Variants in JMY observed in about 807,000 individuals in gnomAD.
The protein encoded by JMY is junction-mediating and -regulatory protein.
JMY carries 46 observed loss-of-function variants against 103.3 expected under a neutral mutation model. The observed-to-expected ratio is 0.45, with a 90% CI of 0.35 to 0.57. The LOEUF (loss-of-function observed/expected upper bound fraction) is 0.57, where lower values mean the gene tolerates loss of function less well. Ranked by LOEUF, JMY falls within the 20% of genes least tolerant of loss-of-function variation. The pLI is 0.00. For synonymous variants in JMY, 526 were observed against 489.3 expected, an observed-to-expected ratio of 1.07 and a Z score of -0.99; for missense variants, 1,238 against 1,255.2, an observed-to-expected ratio of 0.99 and a Z score of 0.21.
rs35881465 is a variant in JMY, at chr5:79,317,063, A to ATT, written c.*3+762_*3+763dup. 4.1e-4 allele frequency among the ~76,000 whole-genome samples: 61 copies of ATT among 149,874 alleles called. 1 individual carries two copies. In the Middle Eastern group the frequency reaches 0.014, roughly 34 times the overall value. On this transcript the variant is annotated intron_variant, in intron 10 of 10. Coordinates refer to ENST00000396137, the MANE Select transcript of JMY (RefSeq NM_152405.5). ...TCTGTAAAAAGAAATCAATACGTCA[A>ATT]TTTTTTTTTTAATGCAAAGCCTTTT...
At chr5:79,277,831 T>C in intron 1 of JMY, 79 bp from the exon 2 acceptor site, 1 of 1,321,968 alleles carries the variant, frequency 7.6e-7, no homozygotes, top group Non-Finnish European at 1.0e-6. Flanking sequence ...GGTCCTGGCA[T>C]GATAGGGAGA....
chr5:79,326,020 C>A lies in JMY; in HGVS notation c.*4418C>A, dbSNP rs533215347. 13 of 152,222 alleles carry A rather than the reference C, an allele frequency of 8.5e-5. No individual in the cohort carries two copies. The highest frequency in any genetic ancestry group is 3.1e-4 in the African/African-American group (13 of 41,540). 9.4% of individuals were successfully genotyped at this position (152,222 alleles called of 1,614,324 possible). On this transcript the variant is annotated 3_prime_UTR_variant, in exon 11 of 11. Coordinates refer to ENST00000396137, the MANE Select transcript of JMY (RefSeq NM_152405.5). ...TTGTAGGATTTAATTGATTGAATTC[C>A]AAATTTATACTGTCTCTTCCCTTCT...
At chr5:79,285,262 T>C (rs1040670526) in intron 2 of JMY, among the ~76,000 whole-genome samples, 2 of 152,060 alleles carry the variant, frequency 1.3e-5, no homozygotes, top group African/African-American at 4.8e-5. Flanking sequence ...TTCTGTGAAA[T>C]AGAAAACTGC....
chr5:79,284,489 T>C, intron 2 of JMY: 1 of 1,588,064 alleles, frequency 6.3e-7, no homozygotes. Context: ...ATTGTTGCGT[T>C]TTTTAGTAAA....
rs1019524073 is a variant in JMY, at chr5:79,236,560, A to G, written c.-91A>G. On this transcript the variant is annotated 5_prime_UTR_variant, in exon 1 of 11. Transcript: ENST00000396137. Reference sequence around the variant, plus strand: ...CTAAGATGGCTGAAGGCGCCCGGCGAGGGTGAGCGGGGGGCGCGGCGCAGC... The same window carrying G: ...CTAAGATGGCTGAAGGCGCCCGGCGGGGGTGAGCGGGGGGCGCGGCGCAGC... 8.4e-6 allele frequency: 9 copies of G among 1,066,742 alleles called. No individual in the cohort carries two copies. The East Asian group carries it at 1.3e-4, about 16-fold the overall frequency. The allele number at this position is 1,066,742 out of a possible 1,614,324, so 66.1% of individuals were successfully genotyped here. A position where few individuals can be genotyped will look rare whatever the true frequency, so the allele number is the denominator to read the frequency against.
At position 79,236,339 on chromosome 5, in the gene JMY, C is replaced by A. The variant is rs938297832; in HGVS notation, c.-312C>A. On this transcript the variant is annotated 5_prime_UTR_variant, in exon 1 of 11. Transcript: ENST00000396137. Reference sequence around the variant, plus strand: ...AGCGCCGCAGACGCAGCTCCACGGCCTCGCGCGGGGGGCGGCGGGCGGCCG... The same window carrying A: ...AGCGCCGCAGACGCAGCTCCACGGCATCGCGCGGGGGGCGGCGGGCGGCCG... 8.9e-6 allele frequency: 2 copies of A among 224,092 alleles called. No homozygotes were observed. Among genetic ancestry groups the A allele is most frequent in the Non-Finnish European group, 1.7e-5 (2 of 115,548 alleles). The allele number at this position is 224,092 out of a possible 1,614,324, so 13.9% of individuals were successfully genotyped here. A position where few individuals can be genotyped will look rare whatever the true frequency, so the allele number is the denominator to read the frequency against.
intron 1 of JMY, among the ~76,000 whole-genome samples, chr5:79,264,851 C>A (rs79460016): frequency 0.017 from 2,523 of 152,256 alleles, 34 homozygotes; most frequent in Non-Finnish European, 0.026. Flanking sequence ...AGTCATTAAT[C>A]TAACATAGAA....
intron 2 of JMY, among the ~76,000 whole-genome samples, chr5:79,280,761 A>C (rs1214785711): frequency 6.6e-6 from 1 of 152,170 alleles, no homozygotes; most frequent in East Asian, 1.9e-4. Flanking sequence ...AGATAAGAAA[A>C]CTAATATTGG....
chr5:79,259,052 G>A (rs756833157), intron 1 of JMY, among the ~76,000 whole-genome samples: 8 of 152,158 alleles, frequency 5.3e-5, no homozygotes, highest in Non-Finnish European at 8.8e-5. Flanking sequence ...GCTCCTCTCC[G>A]TAGCCAGCAT....
intron 1 of JMY, among the ~76,000 whole-genome samples, chr5:79,270,634 CATAA>C (rs1166935159): frequency 7.4e-6 from 1 of 135,260 alleles, no homozygotes; most frequent in Admixed American, 7.3e-5. Context: ...AATATATTTA[CATAA>C]ATATTTATAT....
At chr5:79,259,149 A>G (rs1745342621) in intron 1 of JMY, among the ~76,000 whole-genome samples, 1 of 151,968 alleles carries the variant, frequency 6.6e-6, no homozygotes, top group Non-Finnish European at 1.5e-5. Flanking sequence ...CTCAGTAGAG[A>G]GGGTAGCTTT....
intron 7 of JMY, among the ~76,000 whole-genome samples, chr5:79,307,373 TGA>T (rs1746915603): frequency 6.6e-6 from 1 of 152,120 alleles, no homozygotes; most frequent in Admixed American, 6.6e-5. Flanking sequence ...CAGCAATGAG[TGA>T]GAGTTCAGGT....
chr5:79,260,461 G>A (rs975596593), intron 1 of JMY, among the ~76,000 whole-genome samples: 1 of 152,160 alleles, frequency 6.6e-6, no homozygotes, highest in Non-Finnish European at 1.5e-5. Flanking sequence ...CCTCACTGCA[G>A]CCTCAACCTC....
rs779369887 is a variant in JMY, at chr5:79,291,198, C to T, written c.1426C>T (p.Arg476Trp). ...AGCATCATGGGCAGCGGCTGCTGAA[C>T]GGATGGAAAAACTCCAGTATGCAGT... is the stretch of plus-strand genomic sequence containing the variant. ...GKASWAAAAE[R>W]MEKLQYAVSK... The change falls in exon 4 of 11, where the codon CGG becomes TGG. Residue 476 changes from arginine (R) to tryptophan (W), a missense_variant. By Grantham distance (101) the Arg-to-Trp change is moderately radical. Coordinates refer to ENST00000396137, the MANE Select transcript of JMY (RefSeq NM_152405.5). 7 of 1,612,890 alleles carry T rather than the reference C, an allele frequency of 4.3e-6. No homozygotes were observed. In the Admixed American group the frequency reaches 6.7e-5, roughly 15 times the overall value.
rs1747560932 is a variant in JMY at position 79,324,331 on chromosome 5, CTCGCCCG to C, written c.*2731_*2737del. 1 of 152,160 alleles carries C rather than the reference CTCGCCCG, an allele frequency of 6.6e-6. No homozygotes were observed. The highest frequency in any genetic ancestry group is 1.5e-5 in the Non-Finnish European group (1 of 68,022). 9.4% of individuals were successfully genotyped at this position (152,160 alleles called of 1,614,324 possible). A position where few individuals can be genotyped will look rare whatever the true frequency, so the allele number is the denominator to read the frequency against. Reference sequence around the variant, plus strand: ...AGATGCTCACATTTCCAGTTCCAAACTCGCCCGTACTTTTTATGTGCTTCAAAATATT... The same window carrying C: ...AGATGCTCACATTTCCAGTTCCAAACTACTTTTTATGTGCTTCAAAATATT... On this transcript the variant is annotated 3_prime_UTR_variant, in exon 11 of 11. Transcript: ENST00000396137.
At chr5:79,277,129 A>C (rs1364772072) in intron 1 of JMY, among the ~76,000 whole-genome samples, 1 of 152,136 alleles carries the variant, frequency 6.6e-6, no homozygotes, top group Non-Finnish European at 1.5e-5. Context: ...GGAAAAGAAT[A>C]ATTTTTTATA....
chr5:79,236,164 GCA>G lies in JMY; in HGVS notation c.-486_-485del, dbSNP rs1744479923. 1 of 151,796 alleles carries G rather than the reference GCA, an allele frequency of 6.6e-6. No homozygotes were observed. The highest frequency in any genetic ancestry group is 1.5e-5 in the Non-Finnish European group (1 of 68,168). 9.4% of individuals were successfully genotyped at this position (151,796 alleles called of 1,614,324 possible). A position where few individuals can be genotyped will look rare whatever the true frequency, so the allele number is the denominator to read the frequency against. On this transcript the variant is annotated 5_prime_UTR_variant, in exon 1 of 11. An upstream open reading frame in the 5' UTR loses its in-frame stop. Coordinates refer to ENST00000396137, the MANE Select transcript of JMY (RefSeq NM_152405.5). ...GGCAACATTGTGGCGATGCTGAGGC[GCA>G]GAGTTTAGGAGACGGGTTCATCAGT...
chr5:79,241,514 T>A (rs2112041507), intron 1 of JMY, among the ~76,000 whole-genome samples: 1 of 152,300 alleles, frequency 6.6e-6, no homozygotes, highest in African/African-American at 2.4e-5. Context: ...AAAACATAAA[T>A]AAATTCCTCA....
chr5:79,315,926 G>T, intron 9 of JMY, 74 bp from the exon 10 acceptor site: 9 of 1,303,346 alleles, frequency 6.9e-6, no homozygotes, highest in Middle Eastern at 2.0e-4. Flanking sequence ...AGTTGCGAAC[G>T]GTAGAGGTTA....
Sources: gnomAD v4.1 joint callset for allele counts (sites outside exome capture counted in the v4.1 genomes callset) on GRCh38, gnomAD v4.1.1 for gene constraint, MANE v1.5 for transcripts, NCBI Gene and HGNC (gene_info 2026-07-23, HGNC 2026-07-21) for gene names.